BRWD3: variants seen among roughly 807,000 people sequenced by gnomAD.
BRWD3 encodes bromodomain and WD repeat domain containing 3.
BRWD3 carries 10 observed loss-of-function variants against 149.7 expected under a neutral mutation model. The ratio of observed to expected loss-of-function variants is 0.07; its 90% CI spans 0.04 to 0.11. BRWD3 has a LOEUF of 0.11. Ranked by LOEUF, BRWD3 falls within the 10% of genes least tolerant of loss-of-function variation. The pLI is 1.00. For synonymous variants in BRWD3, 504 were observed against 456.7 expected (o/e 1.10, Z -1.32); for missense variants, 940 against 1,373.2 (o/e 0.68, Z 4.99).
chrX:80,806,583 T>G (rs905081330), intron 4 of BRWD3, among the ~76,000 whole-genome samples: 1 of 111,806 alleles, frequency 8.9e-6, no homozygotes, highest in Non-Finnish European at 1.9e-5. Context: ...GGAAAATAAC[T>G]GGGGGCAGAA....
intron 8 of BRWD3, among the ~76,000 whole-genome samples, chrX:80,741,833 G>A (rs1319954386): frequency 8.9e-6 from 1 of 111,768 alleles, no homozygotes; most frequent in African/African-American, 3.3e-5. Context: ...TGAGCAGGTT[G>A]CAAAAACTTT....
At chrX:80,778,708 A>T (rs1386160721) in intron 6 of BRWD3, among the ~76,000 whole-genome samples, 1 of 112,744 alleles carries the variant, frequency 8.9e-6, no homozygotes. Context: ...TTTTATTTTT[A>T]AAAAATTTGG....
In BRWD3 at chrX:80,690,702, A is replaced by T. The variant is rs144713971; in HGVS notation, c.3602+351T>A. On this transcript the variant is annotated intron_variant, in intron 31 of 40. Transcript: ENST00000373275. ...CAGTGCTGGTAACTAAATCTAATTA[A>T]CTCTGACCAAATTCTCCAACAGAGG... is the stretch of plus-strand genomic sequence containing the variant. 3.2e-3 allele frequency among the ~76,000 whole-genome samples: 351 copies of T among 111,192 alleles called. 3 individuals are homozygous for T. Among genetic ancestry groups the T allele is most frequent in the Admixed American group, 6.9e-3 (72 of 10,373 alleles).
intron 16 of BRWD3, 65 bp from the exon 17 acceptor site, chrX:80,722,852 T>C (rs1160157938): frequency 1.5e-5 from 14 of 961,841 alleles, no homozygotes; most frequent in Admixed American, 2.2e-5. Context: ...CTTGTTTTCA[T>C]TCCTTGAGCA....
chrX:80,778,078 C>T (rs899737088), intron 6 of BRWD3, among the ~76,000 whole-genome samples: 11 of 111,777 alleles, frequency 9.8e-5, no homozygotes, highest in Non-Finnish European at 9.4e-5. Context: ...ATAGTAGCCA[C>T]ATTTCAGCTA....
At chrX:80,711,352 G>C (rs758568588) in intron 20 of BRWD3, among the ~76,000 whole-genome samples, 4 of 111,754 alleles carry the variant, frequency 3.6e-5, no homozygotes, top group Non-Finnish European at 5.6e-5. Context: ...CATCAGAGGG[G>C]TTTTACTTAA....
intron 33 of BRWD3, among the ~76,000 whole-genome samples, chrX:80,689,139 T>C (rs1225085091): frequency 9.0e-6 from 1 of 111,493 alleles, no homozygotes; most frequent in East Asian, 2.8e-4. Flanking sequence ...CAGTAAAGAT[T>C]TGTGAATTAT....
chrX:80,712,384 C>T (rs1158404377), intron 20 of BRWD3, among the ~76,000 whole-genome samples: 5 of 110,475 alleles, frequency 4.5e-5, no homozygotes, highest in Non-Finnish European at 9.5e-5. Flanking sequence ...CTCCTAATCG[C>T]GAGTGATCCG....
intron 40 of BRWD3, among the ~76,000 whole-genome samples, chrX:80,680,455 C>A (rs146598410): frequency 0.027 from 2,988 of 112,123 alleles, 39 homozygotes; most frequent in Non-Finnish European, 0.042. Flanking sequence ...GCAGAAGGTT[C>A]TTCTGAGAAT....
chrX:80,681,352 G>A lies in BRWD3; in HGVS notation c.4643C>T (p.Pro1548Leu). Residue 1548 changes from proline to leucine, a missense_variant, in exon 40 of 41, where the codon CCA becomes CTA. Coordinates refer to ENST00000373275, the MANE Select transcript of BRWD3 (RefSeq NM_153252.5). ...KAKSFRNRVLPVKQDHSLDGP... is the reference protein window; with the variant it reads ...KAKSFRNRVLLVKQDHSLDGP... Reference sequence around the variant, plus strand: ...TATTTATTTCCTACCTTGTTTAACTGGCAAAACTCTATTCCGAAATGATTT... The same window carrying A: ...TATTTATTTCCTACCTTGTTTAACTAGCAAAACTCTATTCCGAAATGATTT... 1.7e-6 allele frequency: 2 copies of A among 1,209,640 alleles called. No individual in the cohort carries two copies. Among genetic ancestry groups the A allele is most frequent in the South Asian group, 3.5e-5 (2 of 56,884 alleles).
chrX:80,734,337 G>A (rs972030554), intron 10 of BRWD3, 119 bp from the exon 11 acceptor site: 28 of 509,356 alleles, frequency 5.5e-5, no homozygotes, highest in Non-Finnish European at 8.3e-5. Flanking sequence ...ACACAAGGTT[G>A]TCTTCTAATT....
At chrX:80,750,857 T>TACACACACACAC (rs59394410) in intron 6 of BRWD3, among the ~76,000 whole-genome samples, 31 of 93,950 alleles carry the variant, frequency 3.3e-4, no homozygotes, top group African/African-American at 9.6e-4. Flanking sequence ...ATGTGTTTTA[T>TACACACACACAC]ACACACACAC....
intron 6 of BRWD3, among the ~76,000 whole-genome samples, chrX:80,769,332 A>G (rs983023916): frequency 8.9e-6 from 1 of 111,888 alleles, no homozygotes; most frequent in African/African-American, 3.3e-5. Flanking sequence ...AATTGACCAC[A>G]TAGTTGGAAG....
At chrX:80,718,033 T>TA (rs1452993883) in intron 18 of BRWD3, among the ~76,000 whole-genome samples, 4 of 111,570 alleles carry the variant, frequency 3.6e-5, no homozygotes, top group South Asian at 3.7e-4. Flanking sequence ...TCAATGAATA[T>TA]AAAAAAATGT....
intron 20 of BRWD3, chrX:80,709,813 C>A: frequency 2.1e-6 from 1 of 470,871 alleles, no homozygotes; most frequent in Non-Finnish European, 3.6e-6. Flanking sequence ...GCTGAAAAGT[C>A]TGGGTTGCAA....
chrX:80,708,947 A>C (rs2072914778), intron 21 of BRWD3, among the ~76,000 whole-genome samples: 2 of 112,420 alleles, frequency 1.8e-5, no homozygotes, highest in Admixed American at 1.9e-4. Flanking sequence ...GAACAGAAGA[A>C]CAAGATGAAA....
chrX:80,781,978 A>G (rs1180001232), intron 6 of BRWD3, among the ~76,000 whole-genome samples: 1 of 112,009 alleles, frequency 8.9e-6, no homozygotes, highest in East Asian at 2.8e-4. Context: ...AATACCAATG[A>G]CATTCTTCAC....
chrX:80,779,076 G>A (rs1436003567), intron 6 of BRWD3, among the ~76,000 whole-genome samples: 1 of 111,356 alleles, frequency 9.0e-6, no homozygotes. Flanking sequence ...CACTTTGGGA[G>A]GCCGAGGCAG....
chrX:80,790,363 T>A (rs1188748606), intron 6 of BRWD3, among the ~76,000 whole-genome samples: 2 of 110,436 alleles, frequency 1.8e-5, no homozygotes, highest in African/African-American at 6.6e-5. Flanking sequence ...TCTTAGTGAG[T>A]TTTTGTCAGG....
Sources: allele counts gnomAD v4.1 joint callset (sites outside exome capture counted in the v4.1 genomes callset), GRCh38; gene constraint gnomAD v4.1.1; transcripts MANE v1.5; gene names NCBI Gene and HGNC (gene_info 2026-07-23, HGNC 2026-07-21).